Variants in ZNF248 observed in about 807,000 individuals in gnomAD.
ZNF248 encodes the protein zinc finger protein 248, also known as KRAB protein domain.
In ZNF248, 20 loss-of-function variants were observed where a neutral mutation model predicts 44.3. That is an observed-to-expected ratio of 0.45 (90% CI 0.32 to 0.66). The LOEUF (loss-of-function observed/expected upper bound fraction) is 0.66, where lower values mean the gene tolerates loss of function less well. Among genes scored for constraint, ZNF248 ranks in the 30% least tolerant of loss-of-function variants. The pLI is 0.04. For synonymous variants in ZNF248, 224 were observed against 229.0 expected (o/e 0.98, Z 0.20); for missense variants, 654 against 677.0 (o/e 0.97, Z 0.38).
intron 3 of ZNF248, among the ~76,000 whole-genome samples, chr10:37,851,228 A>T (rs182006349): frequency 1.4e-4 from 21 of 152,342 alleles, no homozygotes; most frequent in Admixed American, 1.4e-3. Context: ...GCCTAAAAGC[A>T]GGACATGGAT....
intron 6 of ZNF248, among the ~76,000 whole-genome samples, chr10:37,776,927 G>T (rs926166215): frequency 3.3e-5 from 5 of 152,146 alleles, no homozygotes; most frequent in Non-Finnish European, 7.4e-5. Flanking sequence ...GTCACATAAA[G>T]ATTGTTGTAA....
chr10:37,768,805 A>G, the ZNF248 span, among the ~76,000 whole-genome samples: 1 of 152,184 alleles, frequency 6.6e-6, no homozygotes, highest in African/African-American at 2.4e-5. Flanking sequence ...GACATAAAAA[A>G]CCCTTCAAAA....
intron 6 of ZNF248, among the ~76,000 whole-genome samples, chr10:37,811,081 AC>A (rs1366311779): frequency 1.3e-5 from 2 of 152,236 alleles, no homozygotes; most frequent in African/African-American, 4.8e-5. Flanking sequence ...CATATGAAGT[AC>A]CACTAGTGAT....
At chr10:37,792,472 C>A (rs1017268194) in intron 6 of ZNF248, among the ~76,000 whole-genome samples, 1 of 152,188 alleles carries the variant, frequency 6.6e-6, no homozygotes, top group Admixed American at 6.5e-5. Flanking sequence ...TGAAGCTTAA[C>A]TCTTCATGCC....
chr10:37,824,848 ATTTTTTTTTTT>A (rs36011714), downstream of ZNF248, among the ~76,000 whole-genome samples: 1 of 115,224 alleles, frequency 8.7e-6, no homozygotes, highest in Non-Finnish European at 1.8e-5. Flanking sequence ...CACCCAGCTG[ATTTTTTTTTTT>A]TTTTTTTTTT....
intron 4 of ZNF248, 34 bp downstream of exon 4, chr10:37,837,951 T>C: frequency 1.9e-6 from 3 of 1,603,896 alleles, no homozygotes; most frequent in Non-Finnish European, 1.7e-6. Context: ...AAATGCATGC[T>C]ATTGATAGCC....
chr10:37,846,654 A>AAAC (rs1338539491), intron 3 of ZNF248, among the ~76,000 whole-genome samples: 3 of 152,190 alleles, frequency 2.0e-5, no homozygotes, highest in African/African-American at 7.2e-5. Context: ...TCAAGAAAAC[A>AAAC]AACAACAACA....
chr10:37,840,430 C>T (rs1474607650), intron 3 of ZNF248, among the ~76,000 whole-genome samples: 1 of 152,148 alleles, frequency 6.6e-6, no homozygotes, highest in Non-Finnish European at 1.5e-5. Flanking sequence ...TGAACAGATG[C>T]TCACCATCAT....
At chr10:37,786,661 A>G (rs1293082436) in intron 6 of ZNF248, among the ~76,000 whole-genome samples, 1 of 152,180 alleles carries the variant, frequency 6.6e-6, no homozygotes, top group African/African-American at 2.4e-5. Flanking sequence ...AAACAGTACT[A>G]CTTTTTGTTT....
chr10:37,836,888 T>C lies in ZNF248; in HGVS notation c.238+729A>G, dbSNP rs529856562. On this transcript the variant is annotated intron_variant, in intron 5 of 5. Transcript: ENST00000395867. ...TTAATTACCTAAAACATAACAGACA[T>C]AGTGAGTGCTCATCATATGTTGTTA... 8.4e-4 allele frequency among the ~76,000 whole-genome samples: 128 copies of C among 152,056 alleles called. 1 individual carries two copies. Among genetic ancestry groups the C allele is most frequent in the Middle Eastern group, 3.4e-3 (1 of 294 alleles).
chr10:37,792,435 A>G (rs960076738), intron 6 of ZNF248, among the ~76,000 whole-genome samples: 4 of 152,218 alleles, frequency 2.6e-5, no homozygotes, highest in African/African-American at 9.6e-5. Context: ...TAGAAATAAT[A>G]TATGTATTTA....
chr10:37,831,091 C>T lies in ZNF248; in HGVS notation c.*524G>A. 7.3e-7 allele frequency: 1 copy of T among 1,373,822 alleles called. No individual in the cohort carries two copies. The highest frequency in any genetic ancestry group is 9.5e-7 in the Non-Finnish European group (1 of 1,053,508). The allele number at this position is 1,373,822 out of a possible 1,614,324, so 85.1% of individuals were successfully genotyped here. On this transcript the variant is annotated 3_prime_UTR_variant, in exon 6 of 6. Transcript: ENST00000395867. ...ATATAATTATGTCAACCTATAAAGA[C>T]ACCAATGGTATTTAGTGTAGAAAAT...
At chr10:37,821,160 A>G (rs2053398378) in intron 6 of ZNF248, among the ~76,000 whole-genome samples, 1 of 152,140 alleles carries the variant, frequency 6.6e-6, no homozygotes, top group African/African-American at 2.4e-5. Flanking sequence ...AATAAGTTCT[A>G]TAAAAGCACA....
chr10:37,839,251 G>A (rs572433118), intron 3 of ZNF248, among the ~76,000 whole-genome samples: 1 of 152,164 alleles, frequency 6.6e-6, no homozygotes, highest in Non-Finnish European at 1.5e-5. Context: ...GAGGAGTTAA[G>A]TGTGTTCTGT....
At chr10:37,803,424 T>A (rs1208680) in intron 6 of ZNF248, 9,148 of 152,456 alleles carry the variant, frequency 0.06, 355 homozygotes, top group Middle Eastern at 0.095. Context: ...CCCTTGCTCA[T>A]GCTGGCAGCC....
intron 6 of ZNF248, chr10:37,818,657 A>T (rs1214736426): frequency 3.9e-6 from 2 of 517,570 alleles, no homozygotes; most frequent in Non-Finnish European, 7.3e-6. Context: ...TAGCAGCCCC[A>T]GCAGGGCTAC....
chr10:37,777,749 T>C (rs940731466), intron 6 of ZNF248, among the ~76,000 whole-genome samples: 2 of 143,222 alleles, frequency 1.4e-5, no homozygotes, highest in African/African-American at 5.2e-5. Flanking sequence ...TGTGATTTCA[T>C]TGTTCAATTC....
At chr10:37,774,274 T>C (rs972957603), downstream of ZNF248, among the ~76,000 whole-genome samples, 1 of 152,198 alleles carries the variant, frequency 6.6e-6, no homozygotes, top group Non-Finnish European at 1.5e-5. Context: ...AGACTGTGGT[T>C]ATTTGTTACC....
chr10:37,814,826 T>C (rs1258051074), intron 6 of ZNF248, among the ~76,000 whole-genome samples: 1 of 152,218 alleles, frequency 6.6e-6, no homozygotes, highest in African/African-American at 2.4e-5. Context: ...TAAAACTTTG[T>C]CTTTGGCCTT....
Sources: allele counts gnomAD v4.1 joint callset (sites outside exome capture counted in the v4.1 genomes callset), GRCh38; gene constraint gnomAD v4.1.1; transcripts MANE v1.5; gene names NCBI Gene and HGNC (gene_info 2026-07-23, HGNC 2026-07-21).